The following PTPRD variants were observed in gnomAD, a reference collection of about 807,000 sequenced individuals.
The protein encoded by PTPRD is protein tyrosine phosphatase receptor type D.
In PTPRD, 34 loss-of-function variants were observed where a neutral mutation model predicts 214.5. The ratio of observed to expected loss-of-function variants is 0.16; its 90% CI spans 0.12 to 0.21. The LOEUF (loss-of-function observed/expected upper bound fraction) is 0.21. Ranked by LOEUF, PTPRD falls within the 10% of genes least tolerant of loss-of-function variation. The pLI is 1.00. For synonymous variants in PTPRD, 1,128 were observed against 845.7 expected, an observed-to-expected ratio of 1.33 and a Z score of -5.79; for missense variants, 2,545 against 2,398.7, an observed-to-expected ratio of 1.06 and a Z score of -1.27.
chr9:9,811,439 G>A (rs1464654843), intron 5 of PTPRD, among the ~76,000 whole-genome samples: 1 of 152,098 alleles, frequency 6.6e-6, no homozygotes, highest in African/African-American at 2.4e-5. Flanking sequence ...CAGGCGCGGT[G>A]GCTCAGGCCT....
chr9:8,648,773 C>T (rs1193018005), intron 12 of PTPRD, among the ~76,000 whole-genome samples: 1 of 152,118 alleles, frequency 6.6e-6, no homozygotes, highest in Non-Finnish European at 1.5e-5. Flanking sequence ...TAAGTGGTAA[C>T]ATACTCAGGA....
chr9:9,529,920 G>A (rs900802904), intron 8 of PTPRD, among the ~76,000 whole-genome samples: 2 of 151,876 alleles, frequency 1.3e-5, no homozygotes, highest in East Asian at 1.9e-4. Flanking sequence ...TTATGCAGCT[G>A]TATAAATAAT....
intron 7 of PTPRD, among the ~76,000 whole-genome samples, chr9:9,702,782 T>C (rs1288825959): frequency 4.6e-5 from 7 of 152,160 alleles, no homozygotes; most frequent in Admixed American, 4.6e-4. Context: ...TGGTTATCAA[T>C]TAATACACTT....
At chr9:10,420,765 G>A (rs1237732120) in intron 2 of PTPRD, among the ~76,000 whole-genome samples, 1 of 151,760 alleles carries the variant, frequency 6.6e-6, no homozygotes, top group African/African-American at 2.4e-5. Flanking sequence ...TCATTCTAAA[G>A]TATCTATTCT....
At chr9:10,206,485 G>T (rs891996224) in intron 3 of PTPRD, among the ~76,000 whole-genome samples, 1 of 152,060 alleles carries the variant, frequency 6.6e-6, no homozygotes, top group Non-Finnish European at 1.5e-5. Context: ...AACCCAATTA[G>T]AATAGGAAGA....
At chr9:9,470,202 A>C (rs1296684970) in intron 8 of PTPRD, among the ~76,000 whole-genome samples, 1 of 152,076 alleles carries the variant, frequency 6.6e-6, no homozygotes, top group Non-Finnish European at 1.5e-5. Flanking sequence ...GGGATATTAG[A>C]TTTATATTTG....
At chr9:9,084,244 C>T (rs1368501274) in intron 10 of PTPRD, among the ~76,000 whole-genome samples, 2 of 152,100 alleles carry the variant, frequency 1.3e-5, no homozygotes, top group Non-Finnish European at 2.9e-5. Context: ...GAGTTCATGC[C>T]CTTTGCAGGG....
chr9:9,032,224 C>T (rs1162253502), intron 10 of PTPRD, among the ~76,000 whole-genome samples: 3 of 151,814 alleles, frequency 2.0e-5, no homozygotes, highest in Non-Finnish European at 2.9e-5. Flanking sequence ...CCATTTCCAC[C>T]CAACGCCACA....
chr9:8,455,702 T>C lies in PTPRD; in HGVS notation c.3875+4709A>G, dbSNP rs184170856. Among the ~76,000 whole-genome samples the C allele has an allele frequency of 3.3e-5, 5 of 152,334 alleles. No individual in the cohort carries two copies. The East Asian group carries it at 9.6e-4, about 29-fold the overall frequency. On this transcript the variant is annotated intron_variant, in intron 33 of 45. Coordinates refer to ENST00000381196, the MANE Select transcript of PTPRD (RefSeq NM_002839.4). ...AAACACATTGGTTAATTCTTCTTAT[T>C]CTTAATTTTATAGTGATTTACGTAG... is the stretch of plus-strand genomic sequence containing the variant.
intron 8 of PTPRD, among the ~76,000 whole-genome samples, chr9:9,491,363 C>A (rs971528692): frequency 2.0e-5 from 3 of 151,704 alleles, no homozygotes; most frequent in Admixed American, 2.0e-4. Flanking sequence ...CTTTAATAGT[C>A]AACTCTGAAA....
At chr9:9,100,564 T>C (rs77498747) in intron 10 of PTPRD, among the ~76,000 whole-genome samples, 6,820 of 152,202 alleles carry the variant, frequency 0.045, 269 homozygotes, top group African/African-American at 0.11. Context: ...AAGCAGATCA[T>C]AGCCACATTT....
At chr9:9,240,401 A>C (rs1319860779) in intron 9 of PTPRD, among the ~76,000 whole-genome samples, 1 of 152,168 alleles carries the variant, frequency 6.6e-6, no homozygotes, top group African/African-American at 2.4e-5. Flanking sequence ...GGCTGGATGC[A>C]ATGGCTCATG....
intron 3 of PTPRD, among the ~76,000 whole-genome samples, chr9:10,180,453 A>C (rs2099275637): frequency 6.6e-6 from 1 of 152,038 alleles, no homozygotes; most frequent in Non-Finnish European, 1.5e-5. Flanking sequence ...CTTAAATAAA[A>C]TATTATATTT....
intron 8 of PTPRD, among the ~76,000 whole-genome samples, chr9:9,569,798 T>G (rs1461104093): frequency 6.6e-6 from 1 of 151,468 alleles, no homozygotes; most frequent in Non-Finnish European, 1.5e-5. Flanking sequence ...GTATTAAAAG[T>G]TAAGCCTAGG....
chr9:9,667,716 C>G (rs1222480004), intron 7 of PTPRD, among the ~76,000 whole-genome samples: 1 of 152,072 alleles, frequency 6.6e-6, no homozygotes, highest in Non-Finnish European at 1.5e-5. Context: ...AACTGGTCAC[C>G]AAGCATTAGC....
intron 9 of PTPRD, among the ~76,000 whole-genome samples, chr9:9,303,723 G>T (rs1363680379): frequency 6.6e-6 from 1 of 152,058 alleles, no homozygotes; most frequent in Non-Finnish European, 1.5e-5. Context: ...CTCAGCACAT[G>T]GTACTTGAGG....
intron 12 of PTPRD, among the ~76,000 whole-genome samples, chr9:8,715,992 CT>C (rs1413689166): frequency 6.6e-6 from 1 of 152,246 alleles, no homozygotes; most frequent in African/African-American, 2.4e-5. Flanking sequence ...AATTCACTGG[CT>C]GAACTACTGT....
chr9:8,747,519 G>A (rs1328675758), intron 11 of PTPRD, among the ~76,000 whole-genome samples: 2 of 152,010 alleles, frequency 1.3e-5, no homozygotes, highest in Non-Finnish European at 2.9e-5. Context: ...GAACCGCCAA[G>A]CAGATATTAA....
At chr9:8,730,130 C>A (rs772694961) in intron 12 of PTPRD, among the ~76,000 whole-genome samples, 18 of 152,228 alleles carry the variant, frequency 1.2e-4, no homozygotes, top group Non-Finnish European at 2.4e-4. Context: ...GTGGCGGGCA[C>A]CTGTAGTCCC....
Sources: gnomAD v4.1 joint callset for allele counts (sites outside exome capture counted in the v4.1 genomes callset) on GRCh38, gnomAD v4.1.1 for gene constraint, MANE v1.5 for transcripts, NCBI Gene and HGNC (gene_info 2026-07-23, HGNC 2026-07-21) for gene names.